The following ANKAR variants were observed in gnomAD, a reference collection of about 807,000 sequenced individuals.
ANKAR encodes the protein ankyrin and armadillo repeat-containing protein.
In ANKAR, 136 loss-of-function variants were observed where a neutral mutation model predicts 146.2. The observed-to-expected ratio is 0.93, with a 90% CI of 0.81 to 1.07. The LOEUF is 1.07. ANKAR is among the 50% of genes least tolerant of loss of function. ANKAR has a pLI of 0.00. For missense variants in ANKAR, 1,567 were observed against 1,679.9 expected, an observed-to-expected ratio of 0.93 and a Z score of 1.18; for synonymous variants, 500 against 575.8, an observed-to-expected ratio of 0.87 and a Z score of 1.88.
chr2:189,705,277 A>G (rs1425906712), intron 8 of ANKAR, 53 bp downstream of exon 8: 18 of 1,193,306 alleles, frequency 1.5e-5, no homozygotes, highest in African/African-American at 7.7e-5. Context: ...GGCAATAATA[A>G]AAAAAAAAGA....
intron 7 of ANKAR, among the ~76,000 whole-genome samples, chr2:189,696,596 T>G (rs186294036): frequency 6.6e-6 from 1 of 152,240 alleles, no homozygotes; most frequent in Non-Finnish European, 1.5e-5. Context: ...CATTTGAGTA[T>G]AAGCTCTATA....
At chr2:189,755,350 G>A in intron 18 of ANKAR, 1 of 1,613,460 alleles carries the variant, frequency 6.2e-7, no homozygotes, top group Non-Finnish European at 8.5e-7. Context: ...TATGATGAAT[G>A]GGAATGAATG....
chr2:189,757,842 G>A (rs2046313882), intron 18 of ANKAR, among the ~76,000 whole-genome samples: 2 of 152,332 alleles, frequency 1.3e-5, no homozygotes, highest in South Asian at 4.1e-4. Flanking sequence ...TGTTTGCCCA[G>A]TAGTCTCCTC....
chr2:189,681,856 G>A (rs539823898), intron 2 of ANKAR, among the ~76,000 whole-genome samples: 2 of 152,306 alleles, frequency 1.3e-5, no homozygotes, highest in East Asian at 1.9e-4. Flanking sequence ...TTCCTGATAT[G>A]AAACTTATGT....
chr2:189,743,596 G>C lies in ANKAR; in HGVS notation c.4010+122G>C, dbSNP rs113875668. The C allele has an allele frequency of 8.8e-6, 8 of 907,698 alleles. No homozygotes were observed. The African/African-American group carries it at 1.0e-4, about 12-fold the overall frequency. The allele number at this position is 907,698 out of a possible 1,614,324, so 56.2% of individuals were successfully genotyped here. A position where few individuals can be genotyped will look rare whatever the true frequency, so the allele number is the denominator to read the frequency against. ...ATGAACATATCTCCTGTATAGCAGAGGATAAACTTTATTCTAAATGACCAC... is the reference window on the plus strand; with the variant it reads ...ATGAACATATCTCCTGTATAGCAGACGATAAACTTTATTCTAAATGACCAC... On this transcript the variant is annotated intron_variant, in intron 21 of 22. Transcript: ENST00000684021.
chr2:189,756,059 CAA>C (rs1253788858), intron 18 of ANKAR, among the ~76,000 whole-genome samples: 1 of 152,108 alleles, frequency 6.6e-6, no homozygotes, highest in Admixed American at 6.5e-5. Flanking sequence ...ACTAAGGCAT[CAA>C]AGTTTGTTCA....
rs2043063993 is a variant in ANKAR at position 189,738,680 on chromosome 2, C to G, written c.3698C>G (p.Thr1233Arg). ...YSVQTSTIVLTGNLIASLAHS... is the reference protein window; with the variant it reads ...YSVQTSTIVLRGNLIASLAHS... Reference sequence around the variant, plus strand: ...GTTCAGACTTCTACTATTGTCTTGACAGGTAAGAAATGACTAGAAGTTAAT... The same window carrying G: ...GTTCAGACTTCTACTATTGTCTTGAGAGGTAAGAAATGACTAGAAGTTAAT... The change falls in exon 19 of 23, where the codon ACA (threonine) becomes AGA (arginine). Residue 1233 changes from threonine to arginine, a missense_variant and splice_region_variant. Transcript: ENST00000684021. The G allele has an allele frequency of 6.4e-7, 1 of 1,572,744 alleles. No individual in the cohort carries two copies. Among genetic ancestry groups the G allele is most frequent in the Non-Finnish European group, 8.7e-7 (1 of 1,151,402 alleles).
intron 8 of ANKAR, among the ~76,000 whole-genome samples, chr2:189,706,006 G>C (rs1310254393): frequency 6.6e-6 from 1 of 151,336 alleles, no homozygotes; most frequent in African/African-American, 2.4e-5. Context: ...AGGGACACCA[G>C]CTTCCTCTTG....
Position 189,728,079 on chromosome 2 carries a change from T to C in ANKAR, c.2859T>C (p.Tyr953=). 3 of 1,612,224 alleles carry C rather than the reference T, an allele frequency of 1.9e-6. No homozygotes were observed. Among genetic ancestry groups the C allele is most frequent in the Non-Finnish European group, 1.7e-6 (2 of 1,178,942 alleles). Reference sequence around the variant, plus strand: ...TTCTGGAAAAATCGTTAACTAAATATCTTTTAAAACTCCTAAAGGTAGGAA... The same window carrying C: ...TTCTGGAAAAATCGTTAACTAAATACCTTTTAAAACTCCTAAAGGTAGGAA... ...KAFLEKSLTK[Y]LLKLLKAFQI... Residue 953 remains tyrosine (Y), a synonymous_variant, in exon 13 of 23, where the codon TAT becomes TAC. Coordinates refer to ENST00000684021, the MANE Select transcript of ANKAR (RefSeq NM_001378068.1).
intron 12 of ANKAR, among the ~76,000 whole-genome samples, chr2:189,724,643 AAT>A (rs1559122212): frequency 2.0e-5 from 3 of 152,176 alleles, no homozygotes; most frequent in South Asian, 2.1e-4. Context: ...TAACAATAAA[AAT>A]AGTTAATATT....
downstream of ANKAR, chr2:189,762,812 G>A: frequency 1.0e-6 from 1 of 985,496 alleles, no homozygotes; most frequent in Non-Finnish European, 1.2e-6. Flanking sequence ...ACTGTGCAAG[G>A]TCCCGTCCAG....
intron 17 of ANKAR, 25 bp from the exon 18 acceptor site, chr2:189,737,658 T>C (rs2042977144): frequency 6.4e-7 from 1 of 1,572,112 alleles, no homozygotes; most frequent in Admixed American, 2.0e-5. Context: ...AAGTTCACCA[T>C]AATGCCTGTT....
At position 189,676,970 on chromosome 2, in the gene ANKAR, A is replaced by G; in HGVS notation, c.480A>G (p.Gly160=). 8 of 1,613,974 alleles carry G rather than the reference A, an allele frequency of 5.0e-6. No individual in the cohort carries two copies. The highest frequency in any genetic ancestry group is 6.8e-6 in the Non-Finnish European group (8 of 1,180,022). ...ACATGCTGAAAGCACTATGGCATGG[A>G]ATATATATGCCCAAAGAAAAACGAG... The part of the protein sequence containing the change: ...IDYMLKALWH[G]IYMPKEKRAR... The change falls in exon 2 of 23, where the codon GGA becomes GGG. Residue 160 remains glycine, a synonymous_variant. Coordinates refer to ENST00000684021, the MANE Select transcript of ANKAR (RefSeq NM_001378068.1).
Position 189,696,294 on chromosome 2 carries a change from A to G in ANKAR, c.1633A>G (p.Arg545Gly), listed in dbSNP as rs754379494. The change falls in exon 7 of 23, where the codon AGA (arginine) becomes GGA (glycine). Residue 545 changes from arginine to glycine, a missense_variant. By Grantham distance (125) the Arg-to-Gly change is moderately radical (BLOSUM62 -2). Transcript: ENST00000684021. ...TIFHHAALHN[R>G]VSIICQLCNA... ...TTTTCATCATGCTGCCCTGCACAACAGAGTTTCTATTATATGTCAACTGTG... is the reference window on the plus strand; with the variant it reads ...TTTTCATCATGCTGCCCTGCACAACGGAGTTTCTATTATATGTCAACTGTG... The G allele has an allele frequency of 1.9e-6, 3 of 1,614,036 alleles. No individual in the cohort carries two copies. Among genetic ancestry groups the G allele is most frequent in the Non-Finnish European group, 2.5e-6 (3 of 1,180,026 alleles).
chr2:189,741,076 A>C (rs2043290959), intron 19 of ANKAR, among the ~76,000 whole-genome samples: 2 of 152,238 alleles, frequency 1.3e-5, no homozygotes, highest in Admixed American at 1.3e-4. Context: ...TATATTCTGA[A>C]GATATGGGAG....
intron 18 of ANKAR, chr2:189,755,557 T>G (rs763075595): frequency 6.3e-7 from 1 of 1,578,894 alleles, no homozygotes; most frequent in African/African-American, 1.4e-5. Flanking sequence ...CAATCCCACC[T>G]GTTCTGAAAG....
In ANKAR at chr2:189,720,784, T is replaced by TC; in HGVS notation, c.2633dup (p.Asp879ArgfsTer13). 2 of 1,478,112 alleles carry TC rather than the reference T, an allele frequency of 1.4e-6. No homozygotes were observed. The highest frequency in any genetic ancestry group is 1.8e-6 in the Non-Finnish European group (2 of 1,119,010). 91.6% of individuals were successfully genotyped at this position (1,478,112 alleles called of 1,614,324 possible). A position where few individuals can be genotyped will look rare whatever the true frequency, so the allele number is the denominator to read the frequency against. On this transcript the variant is annotated frameshift_variant, in exon 12 of 23. Transcript: ENST00000684021. LOFTEE classifies it high-confidence loss of function. ...TCTTATCAGATTTCTGAGTTCTGAT[T>TC]CAGGTGAGCTTCTATCTCTGTATTA...
chr2:189,728,871 G>T, intron 15 of ANKAR, 50 bp downstream of exon 15: 1 of 1,549,408 alleles, frequency 6.5e-7, no homozygotes, highest in Non-Finnish European at 8.8e-7. Context: ...AACAAGAACA[G>T]ATTGCGCAGA....
intron 2 of ANKAR, among the ~76,000 whole-genome samples, chr2:189,683,720 G>C (rs143926934): frequency 2.6e-5 from 4 of 152,142 alleles, no homozygotes; most frequent in Non-Finnish European, 5.9e-5. Context: ...CACCATTCAC[G>C]TTTGGGAAAA....
Sources: allele counts gnomAD v4.1 joint callset (sites outside exome capture counted in the v4.1 genomes callset), GRCh38; gene constraint gnomAD v4.1.1; transcripts MANE v1.5; gene names NCBI Gene and HGNC (gene_info 2026-07-23, HGNC 2026-07-21).